Variants in GPR158 observed in about 807,000 individuals in gnomAD.
The protein encoded by GPR158 is G protein-coupled receptor 158.
In GPR158, 30 loss-of-function variants were observed where a neutral mutation model predicts 78.2. That is an observed-to-expected ratio of 0.38 (90% CI 0.29 to 0.52). GPR158 has a LOEUF of 0.52. Ranked by LOEUF, GPR158 falls within the 20% of genes least tolerant of loss-of-function variation. The pLI is 0.83. For missense variants in GPR158, 1,463 were observed against 1,523.5 expected (o/e 0.96, Z 0.66); for synonymous variants, 581 against 591.1 (o/e 0.98, Z 0.25).
At chr10:25,538,483 TTTG>T (rs1244298023) in intron 5 of GPR158, among the ~76,000 whole-genome samples, 1 of 152,060 alleles carries the variant, frequency 6.6e-6, no homozygotes, top group Non-Finnish European at 1.5e-5. Context: ...ACACAAATGT[TTTG>T]TTGTTGTTGT....
In GPR158 at chr10:25,202,941, G is replaced by T. The variant is rs558515703; in HGVS notation, c.903-18111G>T. 1.1e-4 allele frequency among the ~76,000 whole-genome samples: 16 copies of T among 152,206 alleles called. No individual in the cohort carries two copies. The South Asian group carries it at 3.3e-3, about 32-fold the overall frequency. On this transcript the variant is annotated intron_variant, in intron 1 of 10. Transcript: ENST00000376351. The stretch of plus-strand genomic sequence containing the variant: ...GTTGTTTCCTGACTTTTTAATGATT[G>T]CCATTCTAACTGGTGTGAGATGGTA...
intron 2 of GPR158, among the ~76,000 whole-genome samples, chr10:25,307,634 A>C (rs7898236): frequency 0.2 from 30,677 of 151,736 alleles, 5,208 homozygotes; most frequent in African/African-American, 0.47. Context: ...CTTGGCCTCC[A>C]AAAGTGCTGG....
intron 2 of GPR158, among the ~76,000 whole-genome samples, chr10:25,273,277 G>C (rs547738579): frequency 1.3e-5 from 2 of 152,098 alleles, no homozygotes; most frequent in African/African-American, 4.8e-5. Context: ...AGAGTGACAT[G>C]TTAGATTATG....
intron 6 of GPR158, among the ~76,000 whole-genome samples, chr10:25,570,427 A>G (rs750311848): frequency 1.3e-5 from 2 of 152,212 alleles, no homozygotes; most frequent in Non-Finnish European, 2.9e-5. Flanking sequence ...TGTTCTCTCT[A>G]TAGCATAAAT....
intron 2 of GPR158, among the ~76,000 whole-genome samples, chr10:25,294,743 C>T (rs1854487475): frequency 6.7e-6 from 1 of 148,732 alleles, no homozygotes; most frequent in African/African-American, 2.5e-5. Context: ...TGTCAAGAAC[C>T]TCCTTCTTTG....
chr10:25,384,806 A>G (rs369916067), intron 2 of GPR158, among the ~76,000 whole-genome samples: 3 of 152,164 alleles, frequency 2.0e-5, no homozygotes, highest in African/African-American at 7.2e-5. Flanking sequence ...CAGGCTGACC[A>G]GGTTTTGCTC....
chr10:25,327,175 G>T (rs1444334395), intron 2 of GPR158, among the ~76,000 whole-genome samples: 5 of 151,922 alleles, frequency 3.3e-5, no homozygotes, highest in Admixed American at 3.3e-4. Flanking sequence ...ACACACACGC[G>T]CAAGAAGTGT....
At chr10:25,266,633 C>CT (rs907711534) in intron 2 of GPR158, among the ~76,000 whole-genome samples, 49 of 150,780 alleles carry the variant, frequency 3.2e-4, no homozygotes, top group African/African-American at 9.0e-4. Flanking sequence ...AAGCTGTTTC[C>CT]TTTTTTTTTG....
At chr10:25,231,165 G>C (rs1039900848) in intron 2 of GPR158, among the ~76,000 whole-genome samples, 1 of 152,098 alleles carries the variant, frequency 6.6e-6, no homozygotes, top group Non-Finnish European at 1.5e-5. Context: ...GCATTGCCAC[G>C]TTCATTCAAG....
chr10:25,390,545 G>A (rs1393841127), intron 2 of GPR158, among the ~76,000 whole-genome samples: 1 of 152,218 alleles, frequency 6.6e-6, no homozygotes, highest in Non-Finnish European at 1.5e-5. Context: ...TTGAAAGAGA[G>A]GATTTAGGGT....
At chr10:25,338,459 AT>A (rs766048721) in intron 2 of GPR158, among the ~76,000 whole-genome samples, 5 of 137,830 alleles carry the variant, frequency 3.6e-5, no homozygotes, top group South Asian at 2.1e-4. Context: ...TAATATATAT[AT>A]TACGTATATT....
At position 25,231,483 on chromosome 10, in the gene GPR158, T is replaced by C. The variant is rs114247109; in HGVS notation, c.1008+10326T>C. On this transcript the variant is annotated intron_variant, in intron 2 of 10. Transcript: ENST00000376351. ...GGAGTCTGCTCCTGAATGACACTGC[T>C]TTTATACAATCTATGTCACTGGATT... Among the ~76,000 whole-genome samples, 485 of 152,342 alleles carry C rather than the reference T, an allele frequency of 3.2e-3. 5 individuals carry two copies. The highest frequency in any genetic ancestry group is 0.011 in the African/African-American group (474 of 41,580).
chr10:25,577,782 GA>G (rs1052451724), intron 7 of GPR158, among the ~76,000 whole-genome samples: 7 of 152,118 alleles, frequency 4.6e-5, no homozygotes, highest in African/African-American at 1.7e-4. Context: ...ATAGAAGGGG[GA>G]AAATGGTTTT....
In GPR158 at chr10:25,459,499, CA is replaced by C. The variant is rs574434676; in HGVS notation, c.1336-7145del. ...TAAGTCTGAAGAAATCAGCAGTGAC[CA>C]AAAAAATAGCTGCCTTGTTTTAGCA... On this transcript the variant is annotated intron_variant, in intron 4 of 10. Coordinates refer to ENST00000376351, the MANE Select transcript of GPR158 (RefSeq NM_020752.3). 8.7e-3 allele frequency among the ~76,000 whole-genome samples: 1,320 copies of C among 152,034 alleles called. 9 individuals carry two copies. Among genetic ancestry groups the C allele is most frequent in the Middle Eastern group, 0.017 (5 of 294 alleles).
intron 5 of GPR158, among the ~76,000 whole-genome samples, chr10:25,513,838 T>C (rs1040694436): frequency 3.9e-5 from 6 of 152,166 alleles, no homozygotes; most frequent in South Asian, 2.1e-4. Flanking sequence ...TGGGGGTTCA[T>C]TTTGGAGTTG....
intron 7 of GPR158, among the ~76,000 whole-genome samples, chr10:25,582,683 C>T (rs547882475): frequency 6.6e-6 from 1 of 152,310 alleles, no homozygotes; most frequent in African/African-American, 2.4e-5. Context: ...CCAAGCTTGA[C>T]ATCTCAGCAT....
At chr10:25,377,991 A>G (rs35735076) in intron 2 of GPR158, among the ~76,000 whole-genome samples, 9,156 of 152,136 alleles carry the variant, frequency 0.06, 628 homozygotes, top group African/African-American at 0.17. Context: ...ATCCCACCAC[A>G]ATGTATAAGC....
chr10:25,353,776 C>T (rs1490631306), intron 2 of GPR158, among the ~76,000 whole-genome samples: 3 of 152,016 alleles, frequency 2.0e-5, no homozygotes, highest in Admixed American at 6.6e-5. Flanking sequence ...CTGAAGGCAG[C>T]ATATAATTGG....
chr10:25,402,089 C>T (rs1452492739), intron 3 of GPR158, among the ~76,000 whole-genome samples: 1 of 152,052 alleles, frequency 6.6e-6, no homozygotes, highest in African/African-American at 2.4e-5. Flanking sequence ...GTAGCATCAT[C>T]AATTATTGGG....
Sources: allele counts gnomAD v4.1 joint callset (sites outside exome capture counted in the v4.1 genomes callset), GRCh38; gene constraint gnomAD v4.1.1; transcripts MANE v1.5; gene names NCBI Gene and HGNC (gene_info 2026-07-23, HGNC 2026-07-21).